Variants in FAM171A1 observed in about 807,000 individuals in gnomAD.
FAM171A1 encodes the protein family with sequence similarity 171 member A1, also known as protein FAM171A1.
FAM171A1 carries 23 observed loss-of-function variants against 74.9 expected under a neutral mutation model. The ratio of observed to expected loss-of-function variants is 0.31; its 90% CI spans 0.22 to 0.44. FAM171A1 has a LOEUF of 0.44. Among genes scored for constraint, FAM171A1 ranks in the 20% least tolerant of loss-of-function variants. The pLI, the probability that FAM171A1 is intolerant of heterozygous loss-of-function variation, is 1.00. For missense variants in FAM171A1, 1,162 were observed against 1,159.2 expected, an observed-to-expected ratio of 1.00 and a Z score of -0.03; for synonymous variants, 527 against 505.7, an observed-to-expected ratio of 1.04 and a Z score of -0.57.
chr10:15,263,265 T>G (rs987612710), intron 3 of FAM171A1, among the ~76,000 whole-genome samples: 1 of 152,050 alleles, frequency 6.6e-6, no homozygotes, highest in African/African-American at 2.4e-5. Context: ...GCAGGCTGGC[T>G]CCCCCAGTCT....
At position 15,362,156 on chromosome 10, in the gene FAM171A1, T is replaced by A. The variant is rs78282554; in HGVS notation, c.97+8800A>T. Among the ~76,000 whole-genome samples, 1,127 of 152,312 alleles carry A rather than the reference T, an allele frequency of 7.4e-3. 22 individuals are homozygous for A. The highest frequency in any genetic ancestry group is 0.051 in the East Asian group (266 of 5,178). ...CACATTTGATCATCTTATCTACCCA[T>A]CCAGTTTAAGGAATATAAGACAGCT... On this transcript the variant is annotated intron_variant, in intron 1 of 7. Transcript: ENST00000378116.
In FAM171A1 at chr10:15,214,085, C is replaced by T. The variant is rs1833933341; in HGVS notation, c.1503G>A (p.Gln501=). The change falls in exon 8 of 8, where the codon CAG becomes CAA. Residue 501 remains glutamine (Q), a synonymous_variant. Transcript: ENST00000378116. ...TVLSQPLFEK[Q]DREGPASTGS... is the part of the protein sequence containing the mutation. ...CCGTGGAGGCTGGACCTTCTCTGTC[C>T]TGCTTTTCAAATAAAGGCTGTGAGA... 6.2e-7 allele frequency: 1 copy of T among 1,614,024 alleles called. No individual in the cohort carries two copies. The highest frequency in any genetic ancestry group is 1.7e-5 in the Admixed American group (1 of 60,002).
intron 5 of FAM171A1, among the ~76,000 whole-genome samples, chr10:15,226,873 C>T (rs1834115043): frequency 1.3e-5 from 2 of 152,144 alleles, no homozygotes; most frequent in Non-Finnish European, 2.9e-5. Context: ...CCCACCACAA[C>T]CACCCCCCAG....
intron 5 of FAM171A1, among the ~76,000 whole-genome samples, chr10:15,232,146 C>T (rs938131251): frequency 7.9e-5 from 12 of 152,082 alleles, no homozygotes; most frequent in African/African-American, 2.9e-4. Flanking sequence ...TGTGTCCTTG[C>T]CTAGAGGGAT....
chr10:15,263,713 TC>T (rs1453938394), intron 3 of FAM171A1, among the ~76,000 whole-genome samples: 1 of 141,722 alleles, frequency 7.1e-6, no homozygotes, highest in Non-Finnish European at 1.6e-5. Context: ...TATCCATCTA[TC>T]CTATCAATCT....
chr10:15,248,826 G>T lies in FAM171A1; in HGVS notation c.578-11C>A. ...GCCTGGTGCTGTTTCCTAGAAGGAA[G>T]AGGCATTTTCCATCATTTGCATGCA... On this transcript the variant is annotated splice_polypyrimidine_tract_variant and intron_variant, in intron 4 of 7. Transcript: ENST00000378116. The T allele has an allele frequency of 6.3e-7, 1 of 1,596,124 alleles. No homozygotes were observed. Among genetic ancestry groups the T allele is most frequent in the Non-Finnish European group, 8.5e-7 (1 of 1,170,802 alleles).
chr10:15,267,802 C>A (rs538415034), intron 3 of FAM171A1, among the ~76,000 whole-genome samples: 1 of 151,944 alleles, frequency 6.6e-6, no homozygotes, highest in Non-Finnish European at 1.5e-5. Context: ...GAACACGGAG[C>A]GGTGAGGAGG....
At chr10:15,253,965 G>A (rs1004674990) in intron 4 of FAM171A1, among the ~76,000 whole-genome samples, 2 of 152,182 alleles carry the variant, frequency 1.3e-5, no homozygotes, top group Non-Finnish European at 2.9e-5. Context: ...TTTTCTGGTG[G>A]ATGGCTTTTA....
Position 15,212,813 on chromosome 10 carries a change from G to T in FAM171A1, c.*102C>A, listed in dbSNP as rs553638238. ...CAGTAAACGTCCACGTCCGTCCCAC[G>T]GCTGGGCTGCCGTTCCGTTTCCTCC... is the stretch of plus-strand genomic sequence containing the variant. On this transcript the variant is annotated 3_prime_UTR_variant, in exon 8 of 8. Transcript: ENST00000378116. 1 of 1,469,026 alleles carries T rather than the reference G, an allele frequency of 6.8e-7. No homozygotes were observed. The highest frequency in any genetic ancestry group is 9.2e-7 in the Non-Finnish European group (1 of 1,088,098). 91.0% of individuals were successfully genotyped at this position (1,469,026 alleles called of 1,614,324 possible).
chr10:15,294,729 G>T (rs565459597), intron 1 of FAM171A1, among the ~76,000 whole-genome samples: 2 of 152,176 alleles, frequency 1.3e-5, no homozygotes, highest in African/African-American at 4.8e-5. Context: ...AACTAAATGC[G>T]ACAAGGCTGT....
intron 1 of FAM171A1, among the ~76,000 whole-genome samples, chr10:15,359,658 T>C (rs1304284039): frequency 6.6e-6 from 1 of 152,154 alleles, no homozygotes; most frequent in African/African-American, 2.4e-5. Flanking sequence ...GATTTCAAGA[T>C]AAAGAGATTA....
At chr10:15,273,729 C>T (rs565798035) in intron 3 of FAM171A1, among the ~76,000 whole-genome samples, 2 of 152,302 alleles carry the variant, frequency 1.3e-5, no homozygotes, top group East Asian at 3.9e-4. Flanking sequence ...ACTGGTTCAA[C>T]ATACGCAAAT....
Position 15,248,735 on chromosome 10 carries a change from C to G in FAM171A1, c.658G>C (p.Val220Leu). The change falls in exon 5 of 8, where the codon GTG becomes CTG. Residue 220 changes from valine to leucine, a missense_variant. Coordinates refer to ENST00000378116, the MANE Select transcript of FAM171A1 (RefSeq NM_001010924.2). ...ACAGTGACATAGATGGGACCATCCA[C>G]CAGCACCGGCGTTCCATTACTGCTC... ...LLSSNGTPVL[V>L]DGPIYVTVPL... 1 of 1,613,896 alleles carries G rather than the reference C, an allele frequency of 6.2e-7. No individual in the cohort carries two copies.
intron 1 of FAM171A1, among the ~76,000 whole-genome samples, chr10:15,349,522 G>A (rs371723535): frequency 1.7e-4 from 26 of 152,198 alleles, no homozygotes; most frequent in African/African-American, 6.0e-4. Context: ...TTGCTAAGAG[G>A]CCACTAGCCA....
intron 3 of FAM171A1, among the ~76,000 whole-genome samples, chr10:15,266,866 C>CA (rs1156974565): frequency 0.038 from 2,114 of 54,954 alleles, 47 homozygotes; most frequent in East Asian, 0.23. Context: ...GAGACTGTTT[C>CA]AAAAAAAAAA....
chr10:15,293,531 A>G (rs1482608326), intron 1 of FAM171A1, among the ~76,000 whole-genome samples: 3 of 111,874 alleles, frequency 2.7e-5, no homozygotes, highest in Non-Finnish European at 3.5e-5. Context: ...AAAGAATGAA[A>G]CTGGCTAGGA....
chr10:15,349,836 C>G (rs569623538), intron 1 of FAM171A1, among the ~76,000 whole-genome samples: 3 of 151,798 alleles, frequency 2.0e-5, no homozygotes, highest in African/African-American at 4.8e-5. Flanking sequence ...ACAACAAGAA[C>G]GAGGAAAGAA....
At chr10:15,359,223 A>C (rs1257839138) in intron 1 of FAM171A1, among the ~76,000 whole-genome samples, 1 of 152,212 alleles carries the variant, frequency 6.6e-6, no homozygotes, top group African/African-American at 2.4e-5. Flanking sequence ...ATCAATATTG[A>C]CAATTCCAAG....
intron 1 of FAM171A1, among the ~76,000 whole-genome samples, chr10:15,289,560 T>G (rs1835078971): frequency 6.6e-6 from 1 of 152,184 alleles, no homozygotes; most frequent in Non-Finnish European, 1.5e-5. Context: ...CCCACACTGC[T>G]GCTCAGCAAC....
Sources: allele counts gnomAD v4.1 joint callset (sites outside exome capture counted in the v4.1 genomes callset), GRCh38; gene constraint gnomAD v4.1.1; transcripts MANE v1.5; gene names NCBI Gene and HGNC (gene_info 2026-07-23, HGNC 2026-07-21).